Variants in WASL observed in about 807,000 individuals in gnomAD.
WASL encodes the protein actin nucleation-promoting factor WASL.
WASL carries 20 observed loss-of-function variants against 55.5 expected under a neutral mutation model. The ratio of observed to expected loss-of-function variants is 0.36; its 90% CI spans 0.25 to 0.52. WASL has a LOEUF of 0.52. Ranked by LOEUF, WASL falls within the 20% of genes least tolerant of loss-of-function variation. The probability of loss-of-function intolerance (pLI) is 0.92; values close to 1 mark genes in which losing one functional copy is unlikely to be tolerated. For missense variants in WASL, 504 were observed against 622.5 expected, an observed-to-expected ratio of 0.81 and a Z score of 2.03; for synonymous variants, 249 against 217.6, an observed-to-expected ratio of 1.14 and a Z score of -1.27.
intron 1 of WASL, among the ~76,000 whole-genome samples, chr7:123,718,136 A>G (rs1803875960): frequency 6.6e-6 from 1 of 152,226 alleles, no homozygotes; most frequent in Non-Finnish European, 1.5e-5. Flanking sequence ...GCAATAAGCT[A>G]CTTGTCTAAA....
At chr7:123,701,423 G>GA in intron 5 of WASL, among the ~76,000 whole-genome samples, 1 of 152,294 alleles carries the variant, frequency 6.6e-6, no homozygotes. Context: ...GAAAACAGTT[G>GA]AAAAACAGGT....
At chr7:123,729,055 G>A (rs540063929) in intron 1 of WASL, among the ~76,000 whole-genome samples, 79 of 152,184 alleles carry the variant, frequency 5.2e-4, no homozygotes, top group Non-Finnish European at 1.1e-3. Flanking sequence ...TAGATGATTT[G>A]CACTGTCGTC....
chr7:123,745,259 T>C (rs1804412350), intron 1 of WASL, among the ~76,000 whole-genome samples: 1 of 152,146 alleles, frequency 6.6e-6, no homozygotes, highest in Non-Finnish European at 1.5e-5. Context: ...CCTGCAATAC[T>C]ATAAATCAAC....
At chr7:123,686,941 T>C (rs1185686287) in intron 10 of WASL, among the ~76,000 whole-genome samples, 1 of 152,154 alleles carries the variant, frequency 6.6e-6, no homozygotes, top group Non-Finnish European at 1.5e-5. Context: ...ATTTAACAAT[T>C]CAGACCTCTC....
At chr7:123,691,444 T>C (rs1803406375) in intron 9 of WASL, among the ~76,000 whole-genome samples, 1 of 152,172 alleles carries the variant, frequency 6.6e-6, no homozygotes, top group South Asian at 2.1e-4. Flanking sequence ...TTTAAATGGC[T>C]GAAAGAAAAT....
intron 1 of WASL, among the ~76,000 whole-genome samples, chr7:123,731,274 A>G (rs1456631686): frequency 6.6e-6 from 1 of 152,246 alleles, no homozygotes; most frequent in Non-Finnish European, 1.5e-5. Context: ...ACAATCTGTA[A>G]TATGTATGCA....
Position 123,684,290 on chromosome 7 carries a change from A to G in WASL, c.*229T>C, listed in dbSNP as rs1803250740. On this transcript the variant is annotated 3_prime_UTR_variant, in exon 11 of 11. Transcript: ENST00000223023. ...AAAAATATTCACAAATCAAGTGAGC[A>G]TCCTGGTGTAAACTTGCACACAATA... The G allele has an allele frequency of 4.8e-6, 1 of 207,146 alleles. No homozygotes were observed. Among genetic ancestry groups the G allele is most frequent in the African/African-American group, 2.3e-5 (1 of 43,044 alleles). The allele number at this position is 207,146 out of a possible 1,614,324, so 12.8% of individuals were successfully genotyped here.
At chr7:123,738,273 A>G (rs1197829950) in intron 1 of WASL, among the ~76,000 whole-genome samples, 2 of 152,268 alleles carry the variant, frequency 1.3e-5, no homozygotes, top group Admixed American at 6.5e-5. Flanking sequence ...TATTAATAAA[A>G]GTGAAAAAGT....
intron 1 of WASL, among the ~76,000 whole-genome samples, chr7:123,732,001 A>G (rs887719981): frequency 3.3e-5 from 5 of 152,302 alleles, no homozygotes; most frequent in Admixed American, 6.5e-5. Context: ...TAACCAAGAA[A>G]AAAAGAGAAA....
At chr7:123,685,044 T>G (rs898852282) in intron 10 of WASL, among the ~76,000 whole-genome samples, 1 of 151,872 alleles carries the variant, frequency 6.6e-6, no homozygotes, top group South Asian at 2.1e-4. Flanking sequence ...GAAATTATTA[T>G]TACTTCCTCC....
At chr7:123,715,090 T>C (rs1461899216) in intron 1 of WASL, among the ~76,000 whole-genome samples, 3 of 152,192 alleles carry the variant, frequency 2.0e-5, no homozygotes, top group African/African-American at 7.2e-5. Flanking sequence ...AACAGCCACA[T>C]ACAGTTTGGA....
intron 5 of WASL, among the ~76,000 whole-genome samples, chr7:123,699,219 A>G (rs568898304): frequency 6.6e-6 from 1 of 151,996 alleles, no homozygotes; most frequent in Non-Finnish European, 1.5e-5. Flanking sequence ...CCGCGCCTCT[A>G]ATACAAAAAT....
chr7:123,719,953 A>C (rs2267874), intron 1 of WASL, among the ~76,000 whole-genome samples: 43,026 of 151,982 alleles, frequency 0.28, 6,549 homozygotes, highest in African/African-American at 0.38. Flanking sequence ...AGTGCCTAGG[A>C]ACCTTCATTA....
At chr7:123,696,196 T>C (rs1803489208) in intron 6 of WASL, among the ~76,000 whole-genome samples, 2 of 152,084 alleles carry the variant, frequency 1.3e-5, no homozygotes, top group Non-Finnish European at 2.9e-5. Flanking sequence ...ATAATGCATA[T>C]GAAAATGCTT....
chr7:123,709,574 T>A (rs1340254861), intron 1 of WASL, among the ~76,000 whole-genome samples: 1 of 152,092 alleles, frequency 6.6e-6, no homozygotes, highest in Admixed American at 6.6e-5. Flanking sequence ...CTAAAGGGGT[T>A]AATTTGCCCA....
intron 3 of WASL, 79 bp from the exon 4 acceptor site, chr7:123,706,452 A>AGG (rs1803670606): frequency 5.2e-5 from 69 of 1,339,082 alleles, no homozygotes; most frequent in Non-Finnish European, 7.2e-5. Context: ...TGAGGAAAAG[A>AGG]AGTATATTTC....
chr7:123,702,971 C>T (rs1286213943), intron 5 of WASL, among the ~76,000 whole-genome samples: 1 of 152,146 alleles, frequency 6.6e-6, no homozygotes, highest in East Asian at 1.9e-4. Flanking sequence ...AAAGTCTTCT[C>T]TGTTGGTACT....
rs577640493 is a variant in WASL, at chr7:123,715,257, C to T, written c.118-6034G>A. Among the ~76,000 whole-genome samples, 119 of 152,268 alleles carry T rather than the reference C, an allele frequency of 7.8e-4. 2 individuals carry two copies. The highest frequency in any genetic ancestry group is 2.9e-5 in the Non-Finnish European group (2 of 68,016). ...GTAAATGGAAGGAGAAGCGGGAATACTTGCACCTTGTAGCTTGCCCTTTTG... is the reference window on the plus strand; with the variant it reads ...GTAAATGGAAGGAGAAGCGGGAATATTTGCACCTTGTAGCTTGCCCTTTTG... On this transcript the variant is annotated intron_variant, in intron 1 of 10. Transcript: ENST00000223023.
At chr7:123,685,271 T>G (rs764195996) in intron 10 of WASL, among the ~76,000 whole-genome samples, 1 of 151,968 alleles carries the variant, frequency 6.6e-6, no homozygotes, top group Admixed American at 6.6e-5. Context: ...TGAAATCTGA[T>G]GCTACCTCCC....
Sources: gnomAD v4.1 joint callset for allele counts (sites outside exome capture counted in the v4.1 genomes callset) on GRCh38, gnomAD v4.1.1 for gene constraint, MANE v1.5 for transcripts, NCBI Gene and HGNC (gene_info 2026-07-23, HGNC 2026-07-21) for gene names.